Variants in SYNJ1 observed in about 807,000 individuals in gnomAD.
The protein encoded by SYNJ1 is polyphosphatidylinositol phosphatase SYNJ1.
SYNJ1 carries 78 observed loss-of-function variants against 168.2 expected under a neutral mutation model. The ratio of observed to expected loss-of-function variants is 0.46; its 90% CI spans 0.39 to 0.56. The LOEUF is 0.56. Among genes scored for constraint, SYNJ1 ranks in the 20% least tolerant of loss-of-function variants. SYNJ1 has a pLI of 0.00. For missense variants in SYNJ1, 1,303 were observed against 1,597.6 expected (o/e 0.82, Z 3.14); for synonymous variants, 539 against 548.6 (o/e 0.98, Z 0.24).
rs1385324411 is a variant in SYNJ1, at chr21:32,657,161, A to G, written c.2462-41T>C. ...ATGAAAACACAAGAGAAGCTGTATA[A>G]GCAGGACAGATCGTGTAGAGCAAAG... On this transcript the variant is annotated intron_variant, in intron 19 of 32. Coordinates refer to ENST00000674351, the MANE Select transcript of SYNJ1 (RefSeq NM_203446.3). 5 of 1,350,494 alleles carry G rather than the reference A, an allele frequency of 3.7e-6. No individual in the cohort carries two copies. The Admixed American group carries it at 8.5e-5, about 23-fold the overall frequency. The allele number at this position is 1,350,494 out of a possible 1,614,324, so 83.7% of individuals were successfully genotyped here. A position where few individuals can be genotyped will look rare whatever the true frequency, so the allele number is the denominator to read the frequency against.
At chr21:32,660,179 A>T (rs964427925) in intron 18 of SYNJ1, among the ~76,000 whole-genome samples, 4 of 152,168 alleles carry the variant, frequency 2.6e-5, no homozygotes, top group Non-Finnish European at 4.4e-5. Flanking sequence ...TATCTCTCAA[A>T]ACAACTAGAT....
At position 32,724,692 on chromosome 21, in the gene SYNJ1, T is replaced by C. The variant is rs1470978751; in HGVS notation, c.124+2080A>G. ...TTTAAGTGAACACTGTACAGCACAATACAAACCTTGGTATCACTCCAAAAT... is the reference window on the plus strand; with the variant it reads ...TTTAAGTGAACACTGTACAGCACAACACAAACCTTGGTATCACTCCAAAAT... On this transcript the variant is annotated intron_variant, in intron 2 of 32. Coordinates refer to ENST00000674351, the MANE Select transcript of SYNJ1 (RefSeq NM_203446.3). 2.0e-5 allele frequency among the ~76,000 whole-genome samples: 3 copies of C among 152,226 alleles called. No homozygotes were observed. In the East Asian group the frequency reaches 5.8e-4, roughly 29 times the overall value.
Position 32,714,812 on chromosome 21 carries a change from C to A in SYNJ1, c.124+11960G>T, listed in dbSNP as rs573117682. Among the ~76,000 whole-genome samples, 4 of 152,284 alleles carry A rather than the reference C, an allele frequency of 2.6e-5. No individual in the cohort carries two copies. In the South Asian group the frequency reaches 8.3e-4, roughly 32 times the overall value. The stretch of plus-strand genomic sequence containing the variant: ...CTGCCAATGATCTACCTGATGCAAA[C>A]AGCACATGATATCTCAACAGTCATT... On this transcript the variant is annotated intron_variant, in intron 2 of 32. Coordinates refer to ENST00000674351, the MANE Select transcript of SYNJ1 (RefSeq NM_203446.3).
chr21:32,634,276 C>T (rs1297210258), intron 32 of SYNJ1, among the ~76,000 whole-genome samples: 1 of 152,176 alleles, frequency 6.6e-6, no homozygotes, highest in Non-Finnish European at 1.5e-5. Context: ...CCATTCATCA[C>T]ATTAGAATTA....
At chr21:32,698,491 A>G (rs1367962970) in intron 4 of SYNJ1, among the ~76,000 whole-genome samples, 1 of 152,216 alleles carries the variant, frequency 6.6e-6, no homozygotes, top group African/African-American at 2.4e-5. Context: ...CCAAGAGCAA[A>G]GAGTCCTGAA....
chr21:32,637,778 G>C (rs1318715451), intron 31 of SYNJ1, among the ~76,000 whole-genome samples: 2 of 152,064 alleles, frequency 1.3e-5, no homozygotes, highest in African/African-American at 2.4e-5. Flanking sequence ...CCAGCTTAAG[G>C]GAACATTTAT....
At chr21:32,670,799 T>C in intron 14 of SYNJ1, 1 of 985,132 alleles carries the variant, frequency 1.0e-6, no homozygotes, top group Non-Finnish European at 1.2e-6. Context: ...TTCACATTCA[T>C]ATTTGAAAAA....
rs541693931 is a variant in SYNJ1, at chr21:32,629,006, T to C, written c.*2799A>G. 32 of 152,692 alleles carry C rather than the reference T, an allele frequency of 2.1e-4. No individual in the cohort carries two copies. The highest frequency in any genetic ancestry group is 4.3e-4 in the Non-Finnish European group (29 of 68,058). 9.5% of individuals were successfully genotyped at this position (152,692 alleles called of 1,614,324 possible). On this transcript the variant is annotated 3_prime_UTR_variant, in exon 33 of 33. Coordinates refer to ENST00000674351, the MANE Select transcript of SYNJ1 (RefSeq NM_203446.3). ...TTTAACAGAACTAGTAAATATTTAA[T>C]AATACATAGAATAATGGCTAGTTAT...
At chr21:32,660,316 T>C (rs995125051) in intron 18 of SYNJ1, among the ~76,000 whole-genome samples, 2 of 152,352 alleles carry the variant, frequency 1.3e-5, no homozygotes, top group South Asian at 2.1e-4. Context: ...TGTGGTAACT[T>C]TGATGAATAC....
chr21:32,656,858 G>A lies in SYNJ1; in HGVS notation c.2624C>T (p.Ala875Val). 6.2e-7 allele frequency: 1 copy of A among 1,614,138 alleles called. No individual in the cohort carries two copies. Among genetic ancestry groups the A allele is most frequent in the Non-Finnish European group, 8.5e-7 (1 of 1,180,024 alleles). ...TTTATAAATGTTTTGCCTCTCTTCA[G>A]CTTCAACTTCAAATATATCTATATC... Reference protein sequence around the residue: ...LIDIDIFEVEAEERQNIYKEV... With the variant: ...LIDIDIFEVEVEERQNIYKEV... The change falls in exon 21 of 33, where the codon GCT becomes GTT. Residue 875 changes from alanine to valine, a missense_variant. Transcript: ENST00000674351.
intron 2 of SYNJ1, among the ~76,000 whole-genome samples, chr21:32,719,436 G>GCT (rs2043137693): frequency 6.6e-6 from 1 of 152,220 alleles, no homozygotes; most frequent in Non-Finnish European, 1.5e-5. Flanking sequence ...TATGCAGGCT[G>GCT]GGAGCAGTGG....
chr21:32,654,910 T>A (rs1178468975), intron 21 of SYNJ1, among the ~76,000 whole-genome samples: 1 of 152,210 alleles, frequency 6.6e-6, no homozygotes, highest in Middle Eastern at 3.2e-3. Context: ...AAGGTAATAA[T>A]CAGTTTCTTC....
At chr21:32,702,977 T>A (rs2042464375) in intron 2 of SYNJ1, among the ~76,000 whole-genome samples, 1 of 152,292 alleles carries the variant, frequency 6.6e-6, no homozygotes. Context: ...CTCAGCCTAC[T>A]GCTTTGCCTA....
chr21:32,726,149 T>C (rs1321147296), intron 2 of SYNJ1, among the ~76,000 whole-genome samples: 1 of 152,214 alleles, frequency 6.6e-6, no homozygotes, highest in Non-Finnish European at 1.5e-5. Context: ...ATATCTTACA[T>C]TAAGAAAGAC....
chr21:32,702,279 T>A (rs1046794362), intron 2 of SYNJ1, among the ~76,000 whole-genome samples: 7 of 152,244 alleles, frequency 4.6e-5, no homozygotes, highest in African/African-American at 1.7e-4. Flanking sequence ...AACTCTGTCT[T>A]CTTACCCTTT....
At chr21:32,723,210 T>C (rs2043313509) in intron 2 of SYNJ1, among the ~76,000 whole-genome samples, 1 of 152,248 alleles carries the variant, frequency 6.6e-6, no homozygotes, top group African/African-American at 2.4e-5. Flanking sequence ...ATGAGACTAT[T>C]TTCATTGTAT....
At chr21:32,638,544 A>C (rs1265562163) in intron 31 of SYNJ1, among the ~76,000 whole-genome samples, 1 of 152,074 alleles carries the variant, frequency 6.6e-6, no homozygotes, top group African/African-American at 2.4e-5. Flanking sequence ...CAAAAATATA[A>C]AAATTAGCCG....
intron 18 of SYNJ1, 64 bp from the exon 19 acceptor site, chr21:32,657,936 C>T: frequency 7.4e-7 from 1 of 1,346,234 alleles, no homozygotes; most frequent in Non-Finnish European, 1.0e-6. Context: ...TTCATTCAGA[C>T]AGTCATCCAT....
chr21:32,635,624 A>G (rs2039533123), intron 31 of SYNJ1, among the ~76,000 whole-genome samples: 1 of 152,204 alleles, frequency 6.6e-6, no homozygotes, highest in Admixed American at 6.5e-5. Flanking sequence ...TAGGGATGTC[A>G]TTATTAGAGA....
Sources: gnomAD v4.1 joint callset for allele counts (sites outside exome capture counted in the v4.1 genomes callset) on GRCh38, gnomAD v4.1.1 for gene constraint, MANE v1.5 for transcripts, NCBI Gene and HGNC (gene_info 2026-07-23, HGNC 2026-07-21) for gene names.